Variants in SLC4A1 observed in about 807,000 individuals in gnomAD.
SLC4A1 encodes solute carrier family 4 member 1 (Diego blood group).
Under a neutral mutation model 93.1 loss-of-function variants are expected in SLC4A1, and 29 were observed. That is an observed-to-expected ratio of 0.31 (90% CI 0.23 to 0.42). The LOEUF is 0.42. Among genes scored for constraint, SLC4A1 ranks in the 20% least tolerant of loss-of-function variants. SLC4A1 has a pLI of 1.00. For synonymous variants in SLC4A1, 469 were observed against 497.2 expected, an observed-to-expected ratio of 0.94 and a Z score of 0.76; for missense variants, 965 against 1,190.1, an observed-to-expected ratio of 0.81 and a Z score of 2.78.
At chr17:44,256,384 G>A (rs1460376150) in intron 13 of SLC4A1, among the ~76,000 whole-genome samples, 1 of 151,840 alleles carries the variant, frequency 6.6e-6, no homozygotes, top group Admixed American at 6.6e-5. Context: ...AAGGCTGGAG[G>A]TCAGGAAACA....
Position 44,267,222 on chromosome 17 carries a change from G to A in SLC4A1, c.-69+832C>T, listed in dbSNP as rs45514597. Among the ~76,000 whole-genome samples the A allele has an allele frequency of 3.8e-3, 572 of 152,230 alleles. 3 individuals are homozygous for A. The highest frequency in any genetic ancestry group is 0.013 in the African/African-American group (548 of 41,534). ...GTTTAGAGTTAGTTGTTAAGATCAC[G>A]GACTCTGCAGTCGGACTGCCTGGAT... On this transcript the variant is annotated intron_variant, in intron 1 of 19. Coordinates refer to ENST00000262418, the MANE Select transcript of SLC4A1 (RefSeq NM_000342.4).
chr17:44,261,525 TG>T (rs751773548), intron 4 of SLC4A1, 49 bp downstream of exon 4: 1 of 1,614,064 alleles, frequency 6.2e-7, no homozygotes, highest in Non-Finnish European at 8.5e-7. Context: ...GATCAAATGG[TG>T]GGTCCCAAAG....
chr17:44,255,369 T>G, intron 14 of SLC4A1, 73 bp from the exon 15 acceptor site: 1 of 1,167,860 alleles, frequency 8.6e-7, no homozygotes, highest in Non-Finnish European at 1.2e-6. Flanking sequence ...CTGCCCTATA[T>G]TCACCCACGG....
Position 44,250,182 on chromosome 17 carries a change from C to T in SLC4A1, c.*276G>A. 2.2e-6 allele frequency: 1 copy of T among 458,284 alleles called. No homozygotes were observed. The highest frequency in any genetic ancestry group is 4.1e-6 in the Non-Finnish European group (1 of 245,744). The allele number at this position is 458,284 out of a possible 1,614,324, so 28.4% of individuals were successfully genotyped here. A position where few individuals can be genotyped will look rare whatever the true frequency, so the allele number is the denominator to read the frequency against. ...GAGGGAGGGCTCAGATCTAAGTCTT[C>T]CAGCACGGGATCCCCAGTGAAAGTG... On this transcript the variant is annotated 3_prime_UTR_variant, in exon 20 of 20. Coordinates refer to ENST00000262418, the MANE Select transcript of SLC4A1 (RefSeq NM_000342.4).
chr17:44,264,775 G>A (rs1050308233), intron 1 of SLC4A1, among the ~76,000 whole-genome samples: 2 of 152,098 alleles, frequency 1.3e-5, no homozygotes, highest in Admixed American at 1.3e-4. Context: ...CTAGCAGAGA[G>A]GAAGGTGTGC....
rs113321017 is a variant in SLC4A1 at position 44,265,294 on chromosome 17, G to A, written c.-68-2360C>T. Among the ~76,000 whole-genome samples the A allele has an allele frequency of 9.9e-5, 15 of 152,254 alleles. 2 individuals are homozygous for A. The highest frequency in any genetic ancestry group is 3.6e-4 in the African/African-American group (15 of 41,548). ...CCAAGGATCTGTATGGCAGGAAGAA[G>A]AGCAGGACGCGTTTGCAGCACTCGG... is the stretch of plus-strand genomic sequence containing the variant. On this transcript the variant is annotated intron_variant, in intron 1 of 19. Transcript: ENST00000262418.
At chr17:44,265,038 T>TG (rs1362734576) in intron 1 of SLC4A1, among the ~76,000 whole-genome samples, 46 of 29,446 alleles carry the variant, frequency 1.6e-3, no homozygotes, top group African/African-American at 6.6e-3. Flanking sequence ...CTGGGGGCTG[T>TG]GGGAGGGGGT....
chr17:44,251,129 C>A, intron 19 of SLC4A1, 30 bp downstream of exon 19: 1 of 1,571,132 alleles, frequency 6.4e-7, no homozygotes. Flanking sequence ...GCTCCCAGCT[C>A]TTGTGCCCCA....
intron 3 of SLC4A1, among the ~76,000 whole-genome samples, chr17:44,262,372 G>A (rs1417839520): frequency 6.6e-6 from 1 of 152,236 alleles, no homozygotes; most frequent in East Asian, 1.9e-4. Context: ...TGGCATGTGG[G>A]CTCACGCCCT....
Position 44,255,913 on chromosome 17 carries a change from C to A in SLC4A1, c.1627-67G>T, listed in dbSNP as rs568611153. ...GGCTTGGGCTGGAAAATACCACCAG[C>A]TAACTCTACCCAGCACTACTATCCA... On this transcript the variant is annotated intron_variant, in intron 13 of 19. Coordinates refer to ENST00000262418, the MANE Select transcript of SLC4A1 (RefSeq NM_000342.4). 76 of 1,449,122 alleles carry A rather than the reference C, an allele frequency of 5.2e-5. 1 individual carries two copies. Among genetic ancestry groups the A allele is most frequent in the South Asian group, 4.7e-4 (41 of 87,442 alleles). 89.8% of individuals were successfully genotyped at this position (1,449,122 alleles called of 1,614,324 possible).
chr17:44,260,059 A>G, intron 6 of SLC4A1, 127 bp from the exon 7 acceptor site: 2 of 1,222,648 alleles, frequency 1.6e-6, no homozygotes, highest in South Asian at 1.2e-5. Context: ...GGGACTTCCC[A>G]GACCAGACCA....
chr17:44,265,751 G>A (rs925671423), intron 1 of SLC4A1, among the ~76,000 whole-genome samples: 3 of 152,140 alleles, frequency 2.0e-5, no homozygotes, highest in African/African-American at 7.2e-5. Flanking sequence ...GCTGAGCAAG[G>A]TGGGAAAATG....
rs139308660 is a variant in SLC4A1 at position 44,249,065 on chromosome 17, T to A, written c.*1393A>T. Reference sequence around the variant, plus strand: ...TTAGTAGTAACGGGGTTTCACCATGTTGGCCAGGCTGGTCTCAAACTCCTG... The same window carrying A: ...TTAGTAGTAACGGGGTTTCACCATGATGGCCAGGCTGGTCTCAAACTCCTG... On this transcript the variant is annotated 3_prime_UTR_variant, in exon 20 of 20. Coordinates refer to ENST00000262418, the MANE Select transcript of SLC4A1 (RefSeq NM_000342.4). 9.4e-5 allele frequency: 36 copies of A among 381,360 alleles called. No individual in the cohort carries two copies. The East Asian group carries it at 3.0e-3, about 32-fold the overall frequency. The allele number at this position is 381,360 out of a possible 1,614,324, so 23.6% of individuals were successfully genotyped here. A position where few individuals can be genotyped will look rare whatever the true frequency, so the allele number is the denominator to read the frequency against.
In SLC4A1 at chr17:44,257,450, C is replaced by T; in HGVS notation, c.1526G>A (p.Gly509Asp). The change falls in exon 13 of 20, where the codon GGT (glycine) becomes GAT (aspartate). Residue 509 changes from glycine to aspartate, a missense_variant. Gly to Asp is a moderately conservative substitution (Grantham distance 94). This residue lies in a region of SLC4A1 where 770 missense variants were observed against 1,006.6 expected (regional missense o/e 0.76). Coordinates refer to ENST00000262418, the MANE Select transcript of SLC4A1 (RefSeq NM_000342.4). ...LLVVLVVAFE[G>D]SFLVRFISRY... ...GGAGATGAAGCGGACCAGGAAGCTA[C>T]CCTCGAAGGCCACCACCAACACCAC... The T allele has an allele frequency of 6.2e-7, 1 of 1,614,004 alleles. No homozygotes were observed. The highest frequency in any genetic ancestry group is 8.5e-7 in the Non-Finnish European group (1 of 1,179,998).
At chr17:44,255,941 C>A in intron 13 of SLC4A1, 95 bp from the exon 14 acceptor site, 1 of 1,088,868 alleles carries the variant, frequency 9.2e-7, no homozygotes, top group Non-Finnish European at 1.4e-6. Context: ...ACTATCCATT[C>A]ATCCAGTCAT....
At chr17:44,265,439 G>A (rs1247865492) in intron 1 of SLC4A1, among the ~76,000 whole-genome samples, 4 of 152,190 alleles carry the variant, frequency 2.6e-5, no homozygotes, top group African/African-American at 9.6e-5. Flanking sequence ...GCGCGATCTT[G>A]GCTCACTGCA....
Position 44,259,905 on chromosome 17 carries a change from C to A in SLC4A1, c.513G>T (p.Gly171=). The change falls in exon 7 of 20, where the codon GGG becomes GGT. Residue 171 remains glycine, a synonymous_variant. Coordinates refer to ENST00000262418, the MANE Select transcript of SLC4A1 (RefSeq NM_000342.4). The part of the protein sequence containing the change: ...HSHAGELEAL[G]GVKPAVLTRS... ...GTGTCAGGACTGCAGGCTTCACACC[C>A]CCCAGGGCCTCCAGCTCTCCAGCGT... is the stretch of plus-strand genomic sequence containing the variant. The A allele has an allele frequency of 6.2e-7, 1 of 1,614,022 alleles. No individual in the cohort carries two copies. The highest frequency in any genetic ancestry group is 8.5e-7 in the Non-Finnish European group (1 of 1,180,014).
At chr17:44,251,930 C>T (rs1380662869) in intron 17 of SLC4A1, among the ~76,000 whole-genome samples, 1 of 149,562 alleles carries the variant, frequency 6.7e-6, no homozygotes, top group East Asian at 2.0e-4. Flanking sequence ...TTAGTAGAGA[C>T]AAGGTCTCAC....
chr17:44,258,433 G>C lies in SLC4A1; in HGVS notation c.1067C>G (p.Ser356Cys). The C allele has an allele frequency of 6.2e-7, 1 of 1,614,118 alleles. No individual in the cohort carries two copies. The highest frequency in any genetic ancestry group is 1.3e-5 in the African/African-American group (1 of 75,024). Residue 356 changes from serine (S) to cysteine (C), a missense_variant, in exon 10 of 20, where the codon TCC (serine) becomes TGC (cysteine). Coordinates refer to ENST00000262418, the MANE Select transcript of SLC4A1 (RefSeq NM_000342.4). The surrounding 1 kb of genome is among the most constrained non-coding windows in gnomAD (Gnocchi z 6.1). ...GGTACCTAGGCCCTTGTAGAAGCTG[G>C]AGTCTGGCTTGGCAGGGCTGGACTG... is the stretch of plus-strand genomic sequence containing the variant. ...RYQSSPAKPD[S>C]SFYKGLDLNG...
Sources: gnomAD v4.1 joint callset for allele counts (sites outside exome capture counted in the v4.1 genomes callset) on GRCh38, gnomAD v4.1.1 for gene constraint, gnomAD v4.1.1 regional missense constraint, Gnocchi (gnomAD v3.1) non-coding constraint, MANE v1.5 for transcripts, NCBI Gene and HGNC (gene_info 2026-07-23, HGNC 2026-07-21) for gene names.